TEX9: variants seen among roughly 807,000 people sequenced by gnomAD.
TEX9 encodes the protein testis-expressed protein 9.
Under a neutral mutation model 59.6 loss-of-function variants are expected in TEX9, and 74 were observed. The observed-to-expected ratio is 1.24, with a 90% confidence interval of 1.03 to 1.51. TEX9 has a LOEUF of 1.51. TEX9 is among the 40% of genes most tolerant of loss of function. The pLI is 0.00. For synonymous variants in TEX9, 186 were observed against 152.2 expected, an observed-to-expected ratio of 1.22 and a Z score of -1.64; for missense variants, 522 against 447.8, an observed-to-expected ratio of 1.17 and a Z score of -1.49.
intron 1 of TEX9, among the ~76,000 whole-genome samples, chr15:56,330,534 A>G (rs968545232): frequency 6.6e-6 from 1 of 152,172 alleles, no homozygotes; most frequent in Non-Finnish European, 1.5e-5. Context: ...AAGTAGAGGA[A>G]CAAAATTAGA....
intron 12 of TEX9, among the ~76,000 whole-genome samples, chr15:56,433,353 AC>A: frequency 1.3e-5 from 2 of 152,094 alleles, no homozygotes; most frequent in Middle Eastern, 3.4e-3. Context: ...GGTGCAGCAA[AC>A]CACCATGGCA....
chr15:56,382,105 C>T (rs1162887958), intron 3 of TEX9, among the ~76,000 whole-genome samples: 1 of 152,176 alleles, frequency 6.6e-6, no homozygotes, highest in Non-Finnish European at 1.5e-5. Context: ...CTCCCCTTTC[C>T]ACAGGCAGAG....
chr15:56,431,946 G>A (rs541718630), intron 12 of TEX9, among the ~76,000 whole-genome samples: 1 of 152,068 alleles, frequency 6.6e-6, no homozygotes, highest in South Asian at 2.1e-4. Flanking sequence ...AATTCCACTA[G>A]TATTTCTTAG....
chr15:56,257,370 C>T (rs971784589), intron 1 of TEX9, among the ~76,000 whole-genome samples: 1 of 152,176 alleles, frequency 6.6e-6, no homozygotes, highest in Non-Finnish European at 1.5e-5. Context: ...AATCACCACA[C>T]TGTCTTCCAC....
At chr15:56,247,884 CTCTG>C (rs2043900421) in intron 1 of TEX9, among the ~76,000 whole-genome samples, 2 of 152,160 alleles carry the variant, frequency 1.3e-5, no homozygotes, top group Non-Finnish European at 1.5e-5. Context: ...TCATTACTTC[CTCTG>C]TCTTTTTCCA....
At chr15:56,326,229 C>A (rs2141732184) in intron 1 of TEX9, among the ~76,000 whole-genome samples, 1 of 152,220 alleles carries the variant, frequency 6.6e-6, no homozygotes, top group African/African-American at 2.4e-5. Flanking sequence ...TAACTTCTAC[C>A]CACTAGCCTC....
intron 1 of TEX9, among the ~76,000 whole-genome samples, chr15:56,325,959 T>G (rs1225417162): frequency 1.3e-5 from 2 of 152,208 alleles, no homozygotes; most frequent in African/African-American, 4.8e-5. Flanking sequence ...ATAATGAACA[T>G]ACGGTCCCCA....
Position 56,288,893 on chromosome 15 carries a change from A to G in TEX9, c.-107+44615A>G, listed in dbSNP as rs573521223. On this transcript the variant is annotated intron_variant, in intron 1 of 5. Coordinates refer to the TEX9 transcript ENST00000560827. ...ATGTTTGCTTTTTTGATGCTATCCC[A>G]TAAATCCTATAAGCTTTCTTCCTTC... is the stretch of plus-strand genomic sequence containing the variant. 5.3e-5 allele frequency among the ~76,000 whole-genome samples: 8 copies of G among 152,222 alleles called. No homozygotes were observed. The South Asian group carries it at 1.7e-3, about 32-fold the overall frequency.
At chr15:56,290,739 G>C (rs2045069913) in intron 1 of TEX9, among the ~76,000 whole-genome samples, 1 of 151,824 alleles carries the variant, frequency 6.6e-6, no homozygotes, top group Non-Finnish European at 1.5e-5. Flanking sequence ...ACAGACGTGA[G>C]CCACTATGGC....
intron 12 of TEX9, chr15:56,443,947 A>G (rs1020208266): frequency 7.9e-6 from 8 of 1,007,686 alleles, no homozygotes; most frequent in Admixed American, 3.2e-5. Context: ...GAAAAACACT[A>G]TAGTTTTTTC....
intron 12 of TEX9, chr15:56,443,435 G>C (rs765253368): frequency 6.4e-6 from 10 of 1,559,262 alleles, no homozygotes; most frequent in Non-Finnish European, 8.6e-6. Context: ...CTTACTTTTA[G>C]CTTGCTCTTA....
chr15:56,270,048 G>GGAGT (rs1352189409), intron 1 of TEX9, among the ~76,000 whole-genome samples: 1 of 152,154 alleles, frequency 6.6e-6, no homozygotes, highest in African/African-American at 2.4e-5. Context: ...CATTTGCTGA[G>GGAGT]GAGTGCTTTA....
chr15:56,310,609 G>A (rs551930932), intron 1 of TEX9, among the ~76,000 whole-genome samples: 2 of 152,258 alleles, frequency 1.3e-5, no homozygotes, highest in African/African-American at 4.8e-5. Context: ...TATGATCCCT[G>A]CACCAGCTCT....
chr15:56,434,456 A>C, intron 12 of TEX9: 1 of 1,501,946 alleles, frequency 6.7e-7, no homozygotes, highest in Non-Finnish European at 9.0e-7. Flanking sequence ...TTTATAAGGA[A>C]AGAGTGATAG....
At chr15:56,458,560 C>CATAATAGTGTT in the TEX9 span, among the ~76,000 whole-genome samples, 141,266 of 152,078 alleles carry the variant, frequency 0.93, 65,691 homozygotes, top group African/African-American at 0.98. Flanking sequence ...ATGTATCTAC[C>CATAATAGTGTT]GTACACAATC....
chr15:56,360,861 T>C (rs1345981399), upstream of TEX9, among the ~76,000 whole-genome samples: 1 of 152,208 alleles, frequency 6.6e-6, no homozygotes. Flanking sequence ...TCTGAAATTA[T>C]TCATAGTAGC....
intron 1 of TEX9, among the ~76,000 whole-genome samples, chr15:56,307,815 A>C (rs1189042607): frequency 3.9e-5 from 6 of 152,214 alleles, no homozygotes; most frequent in African/African-American, 1.2e-4. Context: ...TATTCTGGAC[A>C]TTTCATAAAA....
chr15:56,368,286 G>T (rs1214055633), intron 2 of TEX9, among the ~76,000 whole-genome samples: 1 of 151,972 alleles, frequency 6.6e-6, no homozygotes, highest in South Asian at 2.1e-4. Context: ...ACAAAGGCAG[G>T]TTTCTTGTTT....
At chr15:56,349,421 A>T (rs1355342743) in intron 1 of TEX9, among the ~76,000 whole-genome samples, 2 of 152,146 alleles carry the variant, frequency 1.3e-5, no homozygotes, top group African/African-American at 2.4e-5. Context: ...CTTTATACAC[A>T]TAATTTTGGG....
Sources: allele counts gnomAD v4.1 joint callset (sites outside exome capture counted in the v4.1 genomes callset), GRCh38; gene constraint gnomAD v4.1.1; transcripts MANE v1.5; gene names NCBI Gene and HGNC (gene_info 2026-07-23, HGNC 2026-07-21).